PSD4: variants seen among roughly 807,000 people sequenced by gnomAD.
PSD4 encodes pleckstrin and Sec7 domain containing 4.
Under a neutral mutation model 112.5 loss-of-function variants are expected in PSD4, and 59 were observed. That is an observed-to-expected ratio of 0.52 (90% CI 0.43 to 0.65). The LOEUF is 0.65. PSD4 is among the 30% of genes least tolerant of loss of function. The pLI is 0.00. For missense variants in PSD4, 1,267 were observed against 1,352.6 expected (o/e 0.94, Z 0.99); for synonymous variants, 533 against 540.0 (o/e 0.99, Z 0.18).
Position 113,205,135 on chromosome 2 carries a change from T to TC in PSD4, c.*3720_*3721insC, listed in dbSNP as rs1688844552. 6.6e-6 allele frequency: 1 copy of TC among 151,562 alleles called. No individual in the cohort carries two copies. The highest frequency in any genetic ancestry group is 2.4e-5 in the African/African-American group (1 of 41,286). The allele number at this position is 151,562 out of a possible 1,614,324, so 9.4% of individuals were successfully genotyped here. On this transcript the variant is annotated 3_prime_UTR_variant, in exon 17 of 17. Transcript: ENST00000245796. ...GGCATGCACCACCATGCCCAGCTAA[T>TC]TTTGTATTTTTTAGTAGAGACAGGG...
intron 14 of PSD4, chr2:113,198,265 C>G (rs1401442902): frequency 3.6e-6 from 1 of 278,256 alleles, no homozygotes; most frequent in Non-Finnish European, 6.7e-6. Flanking sequence ...AGATTGTCCT[C>G]TTTATTTTTT....
In PSD4 at chr2:113,199,182, G is replaced by T; in HGVS notation, c.2869G>T (p.Glu957Ter). Residue 957 changes from glutamate (E) to a stop codon, truncating the protein, a stop_gained, in exon 16 of 17, where the codon GAG becomes TAG. Coordinates refer to ENST00000245796, the MANE Select transcript of PSD4 (RefSeq NM_012455.3). LOFTEE classifies it high-confidence loss of function. ...NLPERRGRGR[E>*]LEEHRLRKEY... ...GCCGGAGCGGCGGGGCCGTGGCCGC[G>T]AGCTGGAGGAGCACCGCCTGCGGAA... 6.6e-7 allele frequency: 1 copy of T among 1,523,094 alleles called. No individual in the cohort carries two copies. Among genetic ancestry groups the T allele is most frequent in the Non-Finnish European group, 8.8e-7 (1 of 1,138,282 alleles). 94.3% of individuals were successfully genotyped at this position (1,523,094 alleles called of 1,614,324 possible).
intron 1 of PSD4, among the ~76,000 whole-genome samples, chr2:113,181,273 G>A (rs1666341855): frequency 6.6e-6 from 1 of 150,734 alleles, no homozygotes; most frequent in Admixed American, 6.6e-5. Context: ...CTTACGACAT[G>A]CCATAAGGAC....
At position 113,197,480 on chromosome 2, in the gene PSD4, G is replaced by A. The variant is rs758495550; in HGVS notation, c.2387-84G>A. ...ACTGGAGGTGGTGTGAGGGACAGGG[G>A]GCATATGCACACTTGCGTGTGTCTG... On this transcript the variant is annotated intron_variant, in intron 12 of 16. Transcript: ENST00000245796. 213 of 1,426,234 alleles carry A rather than the reference G, an allele frequency of 1.5e-4. 1 individual carries two copies. The highest frequency in any genetic ancestry group is 7.4e-5 in the Non-Finnish European group (76 of 1,020,742). The allele number at this position is 1,426,234 out of a possible 1,614,324, so 88.3% of individuals were successfully genotyped here.
At chr2:113,198,677 G>C in intron 14 of PSD4, 63 bp from the exon 15 acceptor site, 3 of 1,485,560 alleles carry the variant, frequency 2.0e-6, no homozygotes, top group Non-Finnish European at 2.7e-6. Context: ...ACAGGAGGGG[G>C]CGGGAGGAGG....
At position 113,182,389 on chromosome 2, in the gene PSD4, C is replaced by T. The variant is rs1558886385; in HGVS notation, c.-68C>T. The T allele has an allele frequency of 2.1e-6, 3 of 1,418,046 alleles. No homozygotes were observed. The highest frequency in any genetic ancestry group is 2.7e-5 in the South Asian group (2 of 74,612). The allele number at this position is 1,418,046 out of a possible 1,614,324, so 87.8% of individuals were successfully genotyped here. A position where few individuals can be genotyped will look rare whatever the true frequency, so the allele number is the denominator to read the frequency against. On this transcript the variant is annotated 5_prime_UTR_variant, in exon 2 of 17. Transcript: ENST00000245796. ...GTTTCTCCAGCGGCCAGTGCTCCCC[C>T]TAGTCCACACAGTGAGACCGTGAAA... is the stretch of plus-strand genomic sequence containing the variant.
Position 113,206,122 on chromosome 2 carries a change from A to G in PSD4, c.*4707A>G, listed in dbSNP as rs929358101. On this transcript the variant is annotated 3_prime_UTR_variant, in exon 17 of 17. Coordinates refer to ENST00000245796, the MANE Select transcript of PSD4 (RefSeq NM_012455.3). Reference sequence around the variant, plus strand: ...GGGCCCACTGGGGCTCTTTGAGCCTATTCTCTACCCCCTTCATTATCATGC... The same window carrying G: ...GGGCCCACTGGGGCTCTTTGAGCCTGTTCTCTACCCCCTTCATTATCATGC... 13 of 152,308 alleles carry G rather than the reference A, an allele frequency of 8.5e-5. No homozygotes were observed. Among genetic ancestry groups the G allele is most frequent in the African/African-American group, 3.1e-4 (13 of 41,438 alleles). The allele number at this position is 152,308 out of a possible 1,614,324, so 9.4% of individuals were successfully genotyped here.
rs2104495074 is a variant in PSD4 at position 113,183,154 on chromosome 2, C to T, written c.698C>T (p.Ser233Phe). 6.2e-7 allele frequency: 1 copy of T among 1,614,180 alleles called. No homozygotes were observed. The highest frequency in any genetic ancestry group is 2.2e-5 in the East Asian group (1 of 44,878). The change falls in exon 2 of 17, where the codon TCT becomes TTT. Residue 233 changes from serine to phenylalanine, a missense_variant. Ser to Phe is a radical substitution (Grantham distance 155). Around this residue, in one of 2 missense-constraint regions of PSD4, gnomAD observed 723 missense variants for 704.0 expected, o/e 1.03. Coordinates refer to ENST00000245796, the MANE Select transcript of PSD4 (RefSeq NM_012455.3). ...QAWLREGTPDSSPQWGAEEES... is the reference protein window; with the variant it reads ...QAWLREGTPDFSPQWGAEEES... ...TGGCTGAGAGAGGGAACCCCAGACT[C>T]TTCCCCACAGTGGGGAGCTGAGGAG...
In PSD4 at chr2:113,201,370, A is replaced by C; in HGVS notation, c.3126A>C (p.Arg1042Ser). 6.2e-7 allele frequency: 1 copy of C among 1,614,126 alleles called. No individual in the cohort carries two copies. Among genetic ancestry groups the C allele is most frequent in the Non-Finnish European group, 8.5e-7 (1 of 1,180,010 alleles). The part of the protein sequence containing the change: ...AKVKRNISER[R>S]TYRKIIPKRN... Reference sequence around the variant, plus strand: ...TGAAGCGCAACATCTCAGAGCGCAGAACCTACCGGAAGATCATCCCTAAGC... The same window carrying C: ...TGAAGCGCAACATCTCAGAGCGCAGCACCTACCGGAAGATCATCCCTAAGC... The change falls in exon 17 of 17, where the codon AGA (arginine) becomes AGC (serine). Residue 1042 changes from arginine to serine, a missense_variant. Coordinates refer to ENST00000245796, the MANE Select transcript of PSD4 (RefSeq NM_012455.3).
In PSD4 at chr2:113,202,235, C is replaced by G. The variant is rs1235916058; in HGVS notation, c.*820C>G. ...ACCCTGGAACCCTAGGAACAAGGAG[C>G]CTTTGTTCCAACAGAGCAGAGAAGG... is the stretch of plus-strand genomic sequence containing the variant. On this transcript the variant is annotated 3_prime_UTR_variant, in exon 17 of 17. Transcript: ENST00000245796. 1 of 152,430 alleles carries G rather than the reference C, an allele frequency of 6.6e-6. No homozygotes were observed. The highest frequency in any genetic ancestry group is 1.5e-5 in the Non-Finnish European group (1 of 68,230). The allele number at this position is 152,430 out of a possible 1,614,324, so 9.4% of individuals were successfully genotyped here. A position where few individuals can be genotyped will look rare whatever the true frequency, so the allele number is the denominator to read the frequency against.
intron 5 of PSD4, among the ~76,000 whole-genome samples, chr2:113,191,491 C>T (rs1015129811): frequency 2.6e-5 from 4 of 152,164 alleles, no homozygotes; most frequent in African/African-American, 7.2e-5. Context: ...AGGCTGGCTT[C>T]GAACTCCTGG....
intron 11 of PSD4, 63 bp downstream of exon 11, chr2:113,195,833 CCTCT>C: frequency 1.9e-6 from 3 of 1,592,216 alleles, no homozygotes; most frequent in Non-Finnish European, 2.6e-6. Context: ...GACTGTCCTC[CCTCT>C]GTCACCCACC....
At position 113,183,397 on chromosome 2, in the gene PSD4, G is replaced by T; in HGVS notation, c.941G>T (p.Gly314Val). ...PDLGDGAAIS[G>V]HCTPPFPVPI... ...TTGGGGGACGGCGCTGCTATCAGTG[G>T]GCATTGTACCCCTCCATTCCCTGTG... Residue 314 changes from glycine to valine, a missense_variant, in exon 2 of 17, where the codon GGG becomes GTG. Physicochemically the swap from Gly to Val is moderately radical, Grantham distance 109. Coordinates refer to ENST00000245796, the MANE Select transcript of PSD4 (RefSeq NM_012455.3). 1 of 1,572,484 alleles carries T rather than the reference G, an allele frequency of 6.4e-7. No individual in the cohort carries two copies. Among genetic ancestry groups the T allele is most frequent in the Non-Finnish European group, 8.6e-7 (1 of 1,158,652 alleles).
At chr2:113,189,415 C>T (rs1460460332) in intron 5 of PSD4, among the ~76,000 whole-genome samples, 2 of 151,420 alleles carry the variant, frequency 1.3e-5, no homozygotes, top group Non-Finnish European at 2.9e-5. Context: ...ATTGATTGAT[C>T]GGCATGTGGG....
chr2:113,175,656 A>C (rs916177485), intron 1 of PSD4, among the ~76,000 whole-genome samples: 1 of 152,188 alleles, frequency 6.6e-6, no homozygotes, highest in Non-Finnish European at 1.5e-5. Flanking sequence ...CCAGGGTAAA[A>C]GGAGGGAGCG....
chr2:113,194,839 G>A (rs1161021494), intron 10 of PSD4, among the ~76,000 whole-genome samples: 1 of 152,160 alleles, frequency 6.6e-6, no homozygotes, highest in East Asian at 1.9e-4. Flanking sequence ...GTTCATCCTT[G>A]ACTGAACCAT....
At chr2:113,179,221 G>T (rs577073474) in intron 1 of PSD4, among the ~76,000 whole-genome samples, 11 of 152,152 alleles carry the variant, frequency 7.2e-5, no homozygotes, top group African/African-American at 2.4e-4. Context: ...AAGTAGAACC[G>T]TCTCAGGCCT....
intron 10 of PSD4, 150 bp downstream of exon 10, chr2:113,194,098 T>G: frequency 2.8e-6 from 2 of 706,836 alleles, no homozygotes; most frequent in Non-Finnish European, 4.6e-6. Context: ...TAAAAGTGTA[T>G]TCCCTGGCGG....
At chr2:113,187,733 A>G (rs536045561) in intron 5 of PSD4, among the ~76,000 whole-genome samples, 1 of 152,378 alleles carries the variant, frequency 6.6e-6, no homozygotes, top group East Asian at 1.9e-4. Flanking sequence ...ACCAGTAAGC[A>G]GGAGTCATCA....
Sources: allele counts gnomAD v4.1 joint callset (sites outside exome capture counted in the v4.1 genomes callset), GRCh38; gene constraint gnomAD v4.1.1; regional missense constraint gnomAD v4.1.1; transcripts MANE v1.5; gene names NCBI Gene and HGNC (gene_info 2026-07-23, HGNC 2026-07-21).